Variants in PDE6B observed in about 807,000 individuals in gnomAD.
PDE6B encodes phosphodiesterase 6B.
PDE6B carries 106 observed loss-of-function variants against 109.0 expected under a neutral mutation model. The observed-to-expected ratio is 0.97, with a 90% CI of 0.83 to 1.14. The LOEUF (loss-of-function observed/expected upper bound fraction) is 1.14. Among genes scored for constraint, PDE6B ranks in the 50% most tolerant of loss-of-function variants. The probability of loss-of-function intolerance (pLI) is 0.00; values close to 1 mark genes in which losing one functional copy is unlikely to be tolerated. For synonymous variants in PDE6B, 490 were observed against 471.3 expected, an observed-to-expected ratio of 1.04 and a Z score of -0.51; for missense variants, 1,193 against 1,155.6, an observed-to-expected ratio of 1.03 and a Z score of -0.47.
In PDE6B at chr4:637,232, T is replaced by G. The variant is rs188404247; in HGVS notation, c.711+1263T>G. On this transcript the variant is annotated intron_variant, in intron 3 of 21. Transcript: ENST00000496514. Reference sequence around the variant, plus strand: ...GGGTTTTGCTTTGCTTTGTTTTTTGTTTTTTTTTTTATGTTTTTGGTTTTT... The same window carrying G: ...GGGTTTTGCTTTGCTTTGTTTTTTGGTTTTTTTTTTATGTTTTTGGTTTTT... 2.7e-3 allele frequency among the ~76,000 whole-genome samples: 389 copies of G among 144,286 alleles called. 1 individual carries two copies. Among genetic ancestry groups the G allele is most frequent in the Non-Finnish European group, 4.7e-3 (306 of 65,754 alleles). The allele number at this position is 144,286 out of a possible 152,430, so 94.7% of individuals were successfully genotyped here.
At position 662,378 on chromosome 4, in the gene PDE6B, C is replaced by A; in HGVS notation, c.1723-131C>A. ...GAGGGCAACGCCCTCTGACACCGTG[C>A]ACCGCGCACCCCAGCCCTGCGGTGG... On this transcript the variant is annotated intron_variant, in intron 13 of 21. Coordinates refer to ENST00000496514, the MANE Select transcript of PDE6B (RefSeq NM_000283.4). This position sits in a 1 kb window ranked among gnomAD's most constrained non-coding sequence, Gnocchi z 4.3. The A allele has an allele frequency of 1.2e-6, 1 of 816,450 alleles. No individual in the cohort carries two copies. Among genetic ancestry groups the A allele is most frequent in the Non-Finnish European group, 2.1e-6 (1 of 477,828 alleles). The allele number at this position is 816,450 out of a possible 1,614,324, so 50.6% of individuals were successfully genotyped here. A position where few individuals can be genotyped will look rare whatever the true frequency, so the allele number is the denominator to read the frequency against.
At chr4:627,666 C>T (rs1734180362) in intron 1 of PDE6B, among the ~76,000 whole-genome samples, 1 of 149,702 alleles carries the variant, frequency 6.7e-6, no homozygotes, top group African/African-American at 2.5e-5. Flanking sequence ...CCCCCGTTCC[C>T]TCCTCCCTCC....
At chr4:627,943 C>T (rs1734196976) in intron 1 of PDE6B, among the ~76,000 whole-genome samples, 1 of 152,038 alleles carries the variant, frequency 6.6e-6, no homozygotes, top group African/African-American at 2.4e-5. Context: ...CTCGGCCTGG[C>T]CTGTTCCCCA....
intron 2 of PDE6B, among the ~76,000 whole-genome samples, chr4:635,525 ACCTG>A (rs1461220475): frequency 1.3e-4 from 9 of 71,494 alleles, no homozygotes; most frequent in Admixed American, 1.6e-4. Context: ...CCACCTCCTT[ACCTG>A]CCTGCCTGCC....
intron 1 of PDE6B, among the ~76,000 whole-genome samples, chr4:628,270 G>C (rs764945822): frequency 1.3e-5 from 2 of 152,206 alleles, no homozygotes; most frequent in Admixed American, 6.5e-5. Flanking sequence ...TTTACAGAAG[G>C]GGGGACTGAG....
Position 626,077 on chromosome 4 carries a change from G to C in PDE6B, c.451G>C (p.Val151Leu), listed in dbSNP as rs146599285. The change falls in exon 1 of 22, where the codon GTC (valine) becomes CTC (leucine). Residue 151 changes from valine to leucine, a missense_variant. Coordinates refer to ENST00000496514, the MANE Select transcript of PDE6B (RefSeq NM_000283.4). The surrounding 1 kb of genome is among the most constrained non-coding windows in gnomAD (Gnocchi z 4.6). ...GGCTCAGACCAAAAAGATGGTGAAC[G>C]TCGAGGACGTGGCCGAGGTGGGTCT... ...HVAQTKKMVN[V>L]EDVAECPHFS... 3 of 1,586,354 alleles carry C rather than the reference G, an allele frequency of 1.9e-6. No individual in the cohort carries two copies. Among genetic ancestry groups the C allele is most frequent in the Non-Finnish European group, 2.6e-6 (3 of 1,165,794 alleles).
chr4:637,486 G>T (rs1734745416), intron 3 of PDE6B, among the ~76,000 whole-genome samples: 1 of 152,166 alleles, frequency 6.6e-6, no homozygotes, highest in Admixed American at 6.5e-5. Flanking sequence ...CTCCCAGAGT[G>T]CTGGGATTAC....
rs150108615 is a variant in PDE6B at position 663,769 on chromosome 4, G to A, written c.1921-1G>A. On this transcript the variant is annotated splice_acceptor_variant, in intron 15 of 21. Transcript: ENST00000496514. LOFTEE classifies it high-confidence loss of function. This position sits in a 1 kb window ranked among gnomAD's most constrained non-coding sequence, Gnocchi z 4.0. ...TGACGCGCTGGGCATAACCTCCGCAGACCCTGAACATCTACCAGAACCTGA... is the reference window on the plus strand; with the variant it reads ...TGACGCGCTGGGCATAACCTCCGCAAACCCTGAACATCTACCAGAACCTGA... The A allele has an allele frequency of 1.4e-5, 23 of 1,610,868 alleles. No individual in the cohort carries two copies. The highest frequency in any genetic ancestry group is 2.0e-5 in the Non-Finnish European group (23 of 1,178,282).
intron 20 of PDE6B, 150 bp from the exon 21 acceptor site, chr4:667,706 G>A: frequency 1.3e-6 from 1 of 796,268 alleles, no homozygotes. Flanking sequence ...CCCTTCACAG[G>A]GCTCTGCTGG....
chr4:660,632 C>G lies in PDE6B; in HGVS notation c.1614+19C>G, dbSNP rs553760477. On this transcript the variant is annotated intron_variant, in intron 12 of 21. Transcript: ENST00000496514. ...CCAGGAGGTGGGAGACACCGCAGGGCGCATAGTCAGGTCCCTGAGGCCGCC... is the reference window on the plus strand; with the variant it reads ...CCAGGAGGTGGGAGACACCGCAGGGGGCATAGTCAGGTCCCTGAGGCCGCC... 1.2e-6 allele frequency: 2 copies of G among 1,611,614 alleles called. No individual in the cohort carries two copies. Among genetic ancestry groups the G allele is most frequent in the Admixed American group, 1.7e-5 (1 of 59,978 alleles).
rs1737172604 is a variant in PDE6B, at chr4:662,132, A to G, written c.1615-2A>G. The stretch of plus-strand genomic sequence containing the variant: ...AGCCCTGTGTCCTCTCGGCTCCCCC[A>G]GGTCCTGGTGCGGTTCCTGTTCTCC... On this transcript the variant is annotated splice_acceptor_variant, in intron 12 of 21. Coordinates refer to ENST00000496514, the MANE Select transcript of PDE6B (RefSeq NM_000283.4). LOFTEE classifies it high-confidence loss of function. The surrounding 1 kb of genome is among the most constrained non-coding windows in gnomAD (Gnocchi z 4.3). 3 of 1,510,812 alleles carry G rather than the reference A, an allele frequency of 2.0e-6. No individual in the cohort carries two copies. Among genetic ancestry groups the G allele is most frequent in the Non-Finnish European group, 2.7e-6 (3 of 1,106,760 alleles). 93.6% of individuals were successfully genotyped at this position (1,510,812 alleles called of 1,614,324 possible). A position where few individuals can be genotyped will look rare whatever the true frequency, so the allele number is the denominator to read the frequency against.
At chr4:655,089 G>A in intron 6 of PDE6B, 1 of 612,428 alleles carries the variant, frequency 1.6e-6, no homozygotes, top group Non-Finnish European at 2.9e-6. Flanking sequence ...CACTGTTCTG[G>A]GAGATGGTGA....
chr4:669,718 G>C (rs184086762), intron 21 of PDE6B, among the ~76,000 whole-genome samples: 1 of 47,992 alleles, frequency 2.1e-5, no homozygotes, highest in African/African-American at 1.2e-4. Flanking sequence ...TGCTATTCCC[G>C]CTACCCCATG....
chr4:632,601 GT>G (rs1734446273), intron 1 of PDE6B, among the ~76,000 whole-genome samples: 2 of 149,474 alleles, frequency 1.3e-5, no homozygotes, highest in Non-Finnish European at 3.0e-5. Flanking sequence ...TCAGGGTCAC[GT>G]TGTGTGGATC....
At chr4:655,061 G>A in intron 6 of PDE6B, 173 bp downstream of exon 6, 1 of 643,122 alleles carries the variant, frequency 1.6e-6, no homozygotes. Flanking sequence ...GGAGTTGGGG[G>A]TGAGACAGAA....
At chr4:670,022 A>G (rs748904201) in intron 21 of PDE6B, 24 bp from the exon 22 acceptor site, 3 of 1,607,364 alleles carry the variant, frequency 1.9e-6, no homozygotes, top group Non-Finnish European at 2.6e-6. Flanking sequence ...GGTTCCACTC[A>G]CCATCTTCTG....
chr4:651,232 GC>G (rs1239636239), intron 3 of PDE6B, among the ~76,000 whole-genome samples: 1 of 148,132 alleles, frequency 6.8e-6, no homozygotes, highest in Non-Finnish European at 1.5e-5. Flanking sequence ...CGGCAGTGGG[GC>G]CGTCACAGGC....
At chr4:656,352 A>G in intron 8 of PDE6B, 60 bp downstream of exon 8, 2 of 1,120,422 alleles carry the variant, frequency 1.8e-6, no homozygotes, top group Non-Finnish European at 2.7e-6. Context: ...ATTTTGATTC[A>G]GCGATGATGA....
At chr4:650,674 G>A (rs537178893) in intron 3 of PDE6B, among the ~76,000 whole-genome samples, 115 of 152,308 alleles carry the variant, frequency 7.6e-4, no homozygotes, top group Middle Eastern at 3.4e-3. Flanking sequence ...GAGGGGGGCC[G>A]GCAGGGAGGG....
Sources: allele counts gnomAD v4.1 joint callset (sites outside exome capture counted in the v4.1 genomes callset), GRCh38; gene constraint gnomAD v4.1.1; non-coding constraint Gnocchi (gnomAD v3.1); transcripts MANE v1.5; gene names NCBI Gene and HGNC (gene_info 2026-07-23, HGNC 2026-07-21).